Variants in TRPM3 observed in about 807,000 individuals in gnomAD.
TRPM3 encodes the protein long transient receptor potential channel 3.
Under a neutral mutation model 181.2 loss-of-function variants are expected in TRPM3, and 77 were observed. The ratio of observed to expected loss-of-function variants is 0.42; its 90% CI spans 0.35 to 0.51. The LOEUF is 0.51. Ranked by LOEUF, TRPM3 falls within the 20% of genes least tolerant of loss-of-function variation. The probability of loss-of-function intolerance (pLI) is 0.01; values close to 1 mark genes in which losing one functional copy is unlikely to be tolerated. For synonymous variants in TRPM3, 745 were observed against 796.4 expected (o/e 0.94, Z 1.09); for missense variants, 1,759 against 2,196.7 (o/e 0.80, Z 3.98).
intron 1 of TRPM3, among the ~76,000 whole-genome samples, chr9:70,885,432 G>C (rs2096069174): frequency 6.6e-6 from 1 of 152,140 alleles, no homozygotes. Flanking sequence ...CCTTAGGGAA[G>C]AATGAGTTAG....
At chr9:71,318,572 C>T (rs2088874710) in intron 1 of TRPM3, among the ~76,000 whole-genome samples, 1 of 152,060 alleles carries the variant, frequency 6.6e-6, no homozygotes, top group Non-Finnish European at 1.5e-5. Flanking sequence ...AAAGCAGTTG[C>T]CGGGAACTAA....
At chr9:71,341,349 G>T (rs772646096) in intron 1 of TRPM3, among the ~76,000 whole-genome samples, 50 of 152,136 alleles carry the variant, frequency 3.3e-4, no homozygotes, top group Middle Eastern at 3.2e-3. Flanking sequence ...AAATCTGGCA[G>T]ATGCCACCTT....
intron 1 of TRPM3, among the ~76,000 whole-genome samples, chr9:71,264,337 T>C (rs539522877): frequency 2.6e-5 from 4 of 152,190 alleles, no homozygotes; most frequent in African/African-American, 7.2e-5. Context: ...TCCCCTCCCA[T>C]CTGTACTATC....
intron 1 of TRPM3, among the ~76,000 whole-genome samples, chr9:70,975,164 C>T (rs1302892348): frequency 4.6e-5 from 7 of 152,028 alleles, no homozygotes; most frequent in South Asian, 2.1e-4. Context: ...CACCGCACCC[C>T]GCCTGGAACA....
intron 1 of TRPM3, among the ~76,000 whole-genome samples, chr9:71,102,055 T>G (rs1217776893): frequency 6.6e-6 from 1 of 152,226 alleles, no homozygotes; most frequent in Admixed American, 6.5e-5. Context: ...TATATTTTAA[T>G]CATCTTCTCC....
chr9:70,667,133 G>A (rs2061957250), intron 9 of TRPM3, among the ~76,000 whole-genome samples: 1 of 151,794 alleles, frequency 6.6e-6, no homozygotes, highest in African/African-American at 2.4e-5. Context: ...TTCTGTGTTA[G>A]AGGTCTTTCC....
At chr9:71,277,685 G>A (rs1434315283) in intron 1 of TRPM3, among the ~76,000 whole-genome samples, 1 of 152,158 alleles carries the variant, frequency 6.6e-6, no homozygotes, top group Non-Finnish European at 1.5e-5. Flanking sequence ...GAAAATGTCT[G>A]CGGTCCAATA....
intron 1 of TRPM3, among the ~76,000 whole-genome samples, chr9:70,927,060 T>C (rs556393216): frequency 7.9e-5 from 12 of 152,202 alleles, no homozygotes; most frequent in Non-Finnish European, 1.6e-4. Flanking sequence ...TTCATGACTG[T>C]CATGGTTGAA....
At chr9:71,307,942 T>A (rs1295044858) in intron 1 of TRPM3, among the ~76,000 whole-genome samples, 1 of 151,908 alleles carries the variant, frequency 6.6e-6, no homozygotes, top group Admixed American at 6.6e-5. Flanking sequence ...ACTGGAGCCT[T>A]TTATTAGAAG....
At chr9:70,993,118 G>A (rs865791740) in intron 1 of TRPM3, among the ~76,000 whole-genome samples, 1 of 152,158 alleles carries the variant, frequency 6.6e-6, no homozygotes, top group South Asian at 2.1e-4. Flanking sequence ...CCATATTGTA[G>A]GACTCTGTAA....
intron 1 of TRPM3, among the ~76,000 whole-genome samples, chr9:71,146,278 G>C (rs193073573): frequency 2.0e-5 from 3 of 152,118 alleles, no homozygotes; most frequent in Non-Finnish European, 4.4e-5. Context: ...CCGTGGTGCC[G>C]TTTGCAGTTT....
In TRPM3 at chr9:70,907,449, CTG is replaced by C. The variant is rs1336838889; in HGVS notation, c.178-42940_178-42939del. ...TGTAGTGTTCCCAAGTATAAAAAGG[CTG>C]TGATATGCTTTAGGGAGGAAATATA... On this transcript the variant is annotated intron_variant, in intron 1 of 25. Coordinates refer to ENST00000677713, the MANE Select transcript of TRPM3 (RefSeq NM_001366145.2). Among the ~76,000 whole-genome samples the C allele has an allele frequency of 3.3e-5, 5 of 152,298 alleles. No individual in the cohort carries two copies. In the South Asian group the frequency reaches 8.3e-4, roughly 25 times the overall value.
At chr9:70,811,093 T>C (rs1588681974) in intron 6 of TRPM3, 1 of 1,175,332 alleles carries the variant, frequency 8.5e-7, no homozygotes, top group Non-Finnish European at 1.2e-6. Flanking sequence ...TAGGAAATTA[T>C]AAAGGAAATG....
chr9:70,600,016 G>T (rs993629645), intron 20 of TRPM3, among the ~76,000 whole-genome samples: 2 of 152,158 alleles, frequency 1.3e-5, no homozygotes, highest in African/African-American at 4.8e-5. Flanking sequence ...TGTTGTGTAG[G>T]CACTAACAGC....
chr9:70,659,914 C>T (rs865855057), intron 9 of TRPM3, among the ~76,000 whole-genome samples: 11 of 152,284 alleles, frequency 7.2e-5, no homozygotes, highest in Non-Finnish European at 1.5e-4. Context: ...ACTGATGGAT[C>T]GACTTCACAG....
At chr9:71,404,161 G>C (rs2093393354) in intron 1 of TRPM3, among the ~76,000 whole-genome samples, 1 of 152,126 alleles carries the variant, frequency 6.6e-6, no homozygotes, top group African/African-American at 2.4e-5. Context: ...CAAGGTGATT[G>C]CAAGAATGAT....
intron 1 of TRPM3, among the ~76,000 whole-genome samples, chr9:71,172,341 GAATA>G (rs1180808087): frequency 9.2e-5 from 14 of 152,130 alleles, no homozygotes; most frequent in Admixed American, 2.6e-4. Context: ...AAAACAAACA[GAATA>G]AATGTCTTTA....
chr9:71,329,319 C>A (rs2089950571), intron 1 of TRPM3, among the ~76,000 whole-genome samples: 1 of 152,164 alleles, frequency 6.6e-6, no homozygotes, highest in Non-Finnish European at 1.5e-5. Flanking sequence ...CTGTTTTGTA[C>A]AGTATCTAAA....
intron 1 of TRPM3, among the ~76,000 whole-genome samples, chr9:71,435,882 G>C (rs935522598): frequency 1.3e-5 from 2 of 152,160 alleles, no homozygotes; most frequent in Admixed American, 6.5e-5. Context: ...AGAGGCAGAA[G>C]AGGAGAATCA....
Sources: gnomAD v4.1 joint callset for allele counts (sites outside exome capture counted in the v4.1 genomes callset) on GRCh38, gnomAD v4.1.1 for gene constraint, MANE v1.5 for transcripts, NCBI Gene and HGNC (gene_info 2026-07-23, HGNC 2026-07-21) for gene names.